Variants in SLC25A26 observed in about 807,000 individuals in gnomAD.
SLC25A26 encodes solute carrier family 25 member 26.
In SLC25A26, 36 loss-of-function variants were observed where a neutral mutation model predicts 37.8. The ratio of observed to expected loss-of-function variants is 0.95; its 90% CI spans 0.73 to 1.26. The LOEUF is 1.26. SLC25A26 is among the 50% of genes most tolerant of loss of function. The pLI, the probability that SLC25A26 is intolerant of heterozygous loss-of-function variation, is 0.00. For synonymous variants in SLC25A26, 129 were observed against 122.5 expected, an observed-to-expected ratio of 1.05 and a Z score of -0.35; for missense variants, 390 against 331.1, an observed-to-expected ratio of 1.18 and a Z score of -1.38.
At chr3:66,349,989 T>C (rs2076412721) in intron 6 of SLC25A26, among the ~76,000 whole-genome samples, 1 of 152,256 alleles carries the variant, frequency 6.6e-6, no homozygotes, top group Non-Finnish European at 1.5e-5. Context: ...CATATAATAC[T>C]GTTTTTTAAA....
At chr3:66,263,013 A>T (rs1484628806) in intron 4 of SLC25A26, among the ~76,000 whole-genome samples, 1 of 152,234 alleles carries the variant, frequency 6.6e-6, no homozygotes, top group East Asian at 1.9e-4. Context: ...AGAGCAATTA[A>T]GTACTATATA....
intron 1 of SLC25A26, among the ~76,000 whole-genome samples, chr3:66,204,226 C>G (rs909081205): frequency 6.6e-6 from 1 of 151,834 alleles, no homozygotes; most frequent in African/African-American, 2.4e-5. Flanking sequence ...GAGATCGAGA[C>G]CATCCTGGCT....
intron 5 of SLC25A26, among the ~76,000 whole-genome samples, chr3:66,287,819 T>C (rs1383939211): frequency 6.6e-6 from 1 of 152,218 alleles, no homozygotes; most frequent in Non-Finnish European, 1.5e-5. Context: ...TATTTGCTTC[T>C]TATTGTAGCA....
At chr3:66,352,599 G>A (rs2076484519) in intron 6 of SLC25A26, among the ~76,000 whole-genome samples, 2 of 151,410 alleles carry the variant, frequency 1.3e-5, no homozygotes, top group Admixed American at 1.3e-4. Context: ...AATAATATCT[G>A]TATATTTAAG....
At chr3:66,328,485 T>A (rs1003598420) in intron 5 of SLC25A26, among the ~76,000 whole-genome samples, 113 of 152,150 alleles carry the variant, frequency 7.4e-4, no homozygotes, top group Non-Finnish European at 1.2e-3. Flanking sequence ...TATTTTTAAA[T>A]GGTTTATTTT....
chr3:66,247,334 GGTCT>G (rs782728882), intron 3 of SLC25A26, among the ~76,000 whole-genome samples: 2 of 151,858 alleles, frequency 1.3e-5, no homozygotes, highest in Non-Finnish European at 2.9e-5. Context: ...TGAATGATGG[GGTCT>G]CACTCTGTCA....
At chr3:66,143,897 A>C (rs2070075307) in intron 1 of SLC25A26, among the ~76,000 whole-genome samples, 1 of 152,056 alleles carries the variant, frequency 6.6e-6, no homozygotes, top group African/African-American at 2.4e-5. Flanking sequence ...AAAATTAATA[A>C]CTTTAAGATG....
intron 1 of SLC25A26, among the ~76,000 whole-genome samples, chr3:66,195,396 C>T (rs1028226446): frequency 6.6e-6 from 1 of 152,270 alleles, no homozygotes. Flanking sequence ...GGGAGCCATC[C>T]GCAGCCCCGG....
chr3:66,199,287 T>A (rs1283753766), intron 1 of SLC25A26, among the ~76,000 whole-genome samples: 1 of 151,930 alleles, frequency 6.6e-6, no homozygotes, highest in Non-Finnish European at 1.5e-5. Context: ...AAATCACACA[T>A]GGACTCTTAC....
chr3:66,339,039 G>C (rs1175104997), intron 5 of SLC25A26, among the ~76,000 whole-genome samples: 1 of 152,070 alleles, frequency 6.6e-6, no homozygotes, highest in African/African-American at 2.4e-5. Flanking sequence ...TGGGATGCAA[G>C]TGTCTGTTTG....
At chr3:66,363,756 T>C (rs2076764936) in intron 7 of SLC25A26, among the ~76,000 whole-genome samples, 1 of 152,230 alleles carries the variant, frequency 6.6e-6, no homozygotes, top group South Asian at 2.1e-4. Context: ...GCAATTTGTT[T>C]AATGGTCATT....
intron 1 of SLC25A26, among the ~76,000 whole-genome samples, chr3:66,193,426 C>A (rs2070983448): frequency 6.6e-6 from 1 of 152,026 alleles, no homozygotes; most frequent in African/African-American, 2.4e-5. Context: ...ATAACCTTGA[C>A]CTAATTTTAT....
At chr3:66,327,845 AT>A (rs2075876218) in intron 5 of SLC25A26, among the ~76,000 whole-genome samples, 1 of 150,794 alleles carries the variant, frequency 6.6e-6, no homozygotes, top group Admixed American at 6.6e-5. Flanking sequence ...CTGTGTTTTA[AT>A]GTCTGTTTCC....
At chr3:66,356,507 A>G (rs1325489296) in intron 6 of SLC25A26, among the ~76,000 whole-genome samples, 1 of 152,236 alleles carries the variant, frequency 6.6e-6, no homozygotes, top group Admixed American at 6.5e-5. Flanking sequence ...TTACTTTTAA[A>G]CAATAGTTAT....
rs1238477604 is a variant in SLC25A26, at chr3:66,179,851, CAAG to C, written c.-353-40889_-353-40887del. ...TGTTATTAATATACATGCTGGGAGA[CAAG>C]AGAACATTTTGATAAATATTCATAA... is the stretch of plus-strand genomic sequence containing the variant. On this transcript the variant is annotated intron_variant, in intron 1 of 10. Transcript: ENST00000676754. Among the ~76,000 whole-genome samples the C allele has an allele frequency of 7.2e-5, 11 of 152,108 alleles. No individual in the cohort carries two copies. The East Asian group carries it at 2.1e-3, about 29-fold the overall frequency.
chr3:66,315,111 T>C (rs1442686887), intron 5 of SLC25A26, among the ~76,000 whole-genome samples: 1 of 150,522 alleles, frequency 6.6e-6, no homozygotes, highest in African/African-American at 2.5e-5. Context: ...GGGTTTTTCA[T>C]GTTTATCTCC....
At chr3:66,270,581 T>TGAAA (rs1325894033) in intron 5 of SLC25A26, among the ~76,000 whole-genome samples, 1 of 152,186 alleles carries the variant, frequency 6.6e-6, no homozygotes, top group Non-Finnish European at 1.5e-5. Context: ...CAAATGAAAA[T>TGAAA]GAAATTTCCT....
chr3:66,301,815 T>G (rs1013402123), intron 5 of SLC25A26, among the ~76,000 whole-genome samples: 2 of 152,186 alleles, frequency 1.3e-5, no homozygotes, highest in African/African-American at 4.8e-5. Context: ...ACATGGAGTC[T>G]GAAGGTAGCC....
chr3:66,274,735 A>C (rs1315417430), intron 5 of SLC25A26, among the ~76,000 whole-genome samples: 1 of 152,166 alleles, frequency 6.6e-6, no homozygotes, highest in African/African-American at 2.4e-5. Context: ...GGCGATCATT[A>C]AAAAGTCAGG....
Sources: allele counts gnomAD v4.1 joint callset (sites outside exome capture counted in the v4.1 genomes callset), GRCh38; gene constraint gnomAD v4.1.1; transcripts MANE v1.5; gene names NCBI Gene and HGNC (gene_info 2026-07-23, HGNC 2026-07-21).